Variants in VTI1A observed in about 807,000 individuals in gnomAD.
VTI1A encodes vesicle transport through interaction with t-SNAREs 1A.
A neutral mutation model predicts 34.9 loss-of-function variants in VTI1A; 22 were observed. That is an observed-to-expected ratio of 0.63 (90% confidence interval 0.45 to 0.90). The LOEUF is 0.90. VTI1A is among the 40% of genes least tolerant of loss of function. VTI1A has a pLI of 0.00. For missense variants in VTI1A, 268 were observed against 275.6 expected (o/e 0.97, Z 0.20); for synonymous variants, 87 against 97.3 (o/e 0.89, Z 0.62).
intron 5 of VTI1A, among the ~76,000 whole-genome samples, chr10:112,640,462 A>G (rs1564861366): frequency 1.3e-5 from 2 of 151,910 alleles, no homozygotes; most frequent in Non-Finnish European, 2.9e-5. Flanking sequence ...TCATGGAGGA[A>G]GAGTGGACCA....
In VTI1A at chr10:112,499,730, C is replaced by T. The variant is rs541636685; in HGVS notation, c.265-27357C>T. 4.3e-4 allele frequency among the ~76,000 whole-genome samples: 65 copies of T among 151,186 alleles called. 2 individuals carry two copies. The South Asian group carries it at 0.014, about 32-fold the overall frequency. ...TATGTTGGTTATTCTAATTAATGTG[C>T]CATCTACACAGTTACCCATATGAGA... On this transcript the variant is annotated intron_variant, in intron 3 of 7. Coordinates refer to ENST00000393077, the MANE Select transcript of VTI1A (RefSeq NM_145206.4).
intron 7 of VTI1A, among the ~76,000 whole-genome samples, chr10:112,676,628 T>C (rs182890718): frequency 5.9e-5 from 9 of 152,276 alleles, no homozygotes; most frequent in Admixed American, 2.6e-4. Context: ...TCCCTACTAG[T>C]GGTAACTACT....
Position 112,464,572 on chromosome 10 carries a change from G to T in VTI1A, c.179G>T (p.Arg60Leu), listed in dbSNP as rs775597186. 1 of 1,612,736 alleles carries T rather than the reference G, an allele frequency of 6.2e-7. No homozygotes were observed. The highest frequency in any genetic ancestry group is 1.7e-5 in the Admixed American group (1 of 60,018). The change falls in exon 3 of 8, where the codon CGA (arginine) becomes CTA (leucine). Residue 60 changes from arginine to leucine, a missense_variant. Physicochemically the swap from Arg to Leu is moderately radical, Grantham distance 102. Coordinates refer to ENST00000393077, the MANE Select transcript of VTI1A (RefSeq NM_145206.4). ...ELLEQMDLEVREIPPQSRGMY... is the reference protein window; with the variant it reads ...ELLEQMDLEVLEIPPQSRGMY... ...CTTGAACAGATGGATTTGGAAGTCCGAGAGATACCACCCCAAAGTCGAGGG... is the reference window on the plus strand; with the variant it reads ...CTTGAACAGATGGATTTGGAAGTCCTAGAGATACCACCCCAAAGTCGAGGG...
chr10:112,542,719 G>A (rs1850914362), intron 5 of VTI1A, among the ~76,000 whole-genome samples: 1 of 152,118 alleles, frequency 6.6e-6, no homozygotes, highest in Non-Finnish European at 1.5e-5. Context: ...AACCTATGTA[G>A]TGATTATCCT....
chr10:112,469,761 G>A (rs1374748656), intron 3 of VTI1A, among the ~76,000 whole-genome samples: 2 of 152,146 alleles, frequency 1.3e-5, no homozygotes, highest in East Asian at 3.9e-4. Context: ...GTGAGACCTC[G>A]TGGGGTCCCA....
At chr10:112,459,632 G>C (rs942239031) in intron 1 of VTI1A, among the ~76,000 whole-genome samples, 2 of 152,154 alleles carry the variant, frequency 1.3e-5, no homozygotes, top group Admixed American at 6.5e-5. Flanking sequence ...GAGAAGAGAA[G>C]CATGCTAGGC....
the VTI1A span, among the ~76,000 whole-genome samples, chr10:112,842,703 A>G: frequency 6.6e-6 from 1 of 152,198 alleles, no homozygotes; most frequent in African/African-American, 2.4e-5. Context: ...GTGTAGGTGG[A>G]TCACAGACAT....
chr10:112,808,640 A>AG (rs1853173490), intron 7 of VTI1A, among the ~76,000 whole-genome samples: 1 of 151,952 alleles, frequency 6.6e-6, no homozygotes, highest in African/African-American at 2.4e-5. Flanking sequence ...AAAAAAAAAA[A>AG]AAAAGAAAGC....
intron 7 of VTI1A, among the ~76,000 whole-genome samples, chr10:112,716,443 T>C (rs74156805): frequency 0.013 from 1,939 of 152,286 alleles, 41 homozygotes; most frequent in African/African-American, 0.043. Context: ...AAGCAAATTT[T>C]ATTATAAATT....
At chr10:112,762,698 C>G (rs1019941425) in intron 7 of VTI1A, among the ~76,000 whole-genome samples, 4 of 152,138 alleles carry the variant, frequency 2.6e-5, no homozygotes, top group Admixed American at 2.6e-4. Flanking sequence ...TCATTAATAT[C>G]TACCCGGAAG....
Position 112,630,741 on chromosome 10 carries a change from A to G in VTI1A, c.428-37477A>G, listed in dbSNP as rs376315091. ...GCTGAAATGTCTTTTTCAGCCTGCA[A>G]TCAAGCCTCACAAAATTTTATTCAC... On this transcript the variant is annotated intron_variant, in intron 5 of 7. Transcript: ENST00000393077. 5.6e-4 allele frequency among the ~76,000 whole-genome samples: 85 copies of G among 152,302 alleles called. 1 individual carries two copies. Among genetic ancestry groups the G allele is most frequent in the African/African-American group, 2.0e-3 (82 of 41,568 alleles).
At chr10:112,825,053 C>T in the VTI1A span, 1 of 152,206 alleles carries the variant, frequency 6.6e-6, no homozygotes, top group Admixed American at 6.5e-5. Flanking sequence ...CCCAGAAGGG[C>T]CCCACGCTTG....
At chr10:112,755,848 G>A (rs1328781609) in intron 7 of VTI1A, among the ~76,000 whole-genome samples, 1 of 152,174 alleles carries the variant, frequency 6.6e-6, no homozygotes, top group East Asian at 1.9e-4. Flanking sequence ...TGGCCTAGGA[G>A]TGCAGTCAGC....
At chr10:112,524,349 C>T (rs113158619) in intron 3 of VTI1A, among the ~76,000 whole-genome samples, 27 of 152,138 alleles carry the variant, frequency 1.8e-4, no homozygotes, top group African/African-American at 6.0e-4. Flanking sequence ...GTGTCGTGCT[C>T]ATGAGGAACT....
chr10:112,597,069 T>TA (rs1349794152), intron 5 of VTI1A, among the ~76,000 whole-genome samples: 1 of 152,178 alleles, frequency 6.6e-6, no homozygotes, highest in East Asian at 1.9e-4. Context: ...GTGTTTTACT[T>TA]ATTAGGTTGG....
chr10:112,623,556 G>A (rs1285468476), intron 5 of VTI1A, among the ~76,000 whole-genome samples: 4 of 151,258 alleles, frequency 2.6e-5, no homozygotes, highest in East Asian at 1.9e-4. Flanking sequence ...GTCACGATCC[G>A]AAACAGCTAC....
At chr10:112,623,809 T>C (rs1373613354) in intron 5 of VTI1A, among the ~76,000 whole-genome samples, 1 of 152,208 alleles carries the variant, frequency 6.6e-6, no homozygotes, top group Non-Finnish European at 1.5e-5. Flanking sequence ...CTCGGCACTG[T>C]GCAGGGAAAG....
intron 5 of VTI1A, among the ~76,000 whole-genome samples, chr10:112,576,106 C>A (rs1161217012): frequency 6.6e-6 from 1 of 151,200 alleles, no homozygotes; most frequent in African/African-American, 2.4e-5. Flanking sequence ...CTGCAAGCTC[C>A]GCCTCCCGGG....
chr10:112,575,323 A>C (rs1471591698), intron 5 of VTI1A, among the ~76,000 whole-genome samples: 1 of 152,238 alleles, frequency 6.6e-6, no homozygotes, highest in Non-Finnish European at 1.5e-5. Flanking sequence ...TCAGTTTCTG[A>C]CATGCAGATC....
Sources: allele counts gnomAD v4.1 joint callset (sites outside exome capture counted in the v4.1 genomes callset), GRCh38; gene constraint gnomAD v4.1.1; transcripts MANE v1.5; gene names NCBI Gene and HGNC (gene_info 2026-07-23, HGNC 2026-07-21).